RANBP2: variants seen among roughly 807,000 people sequenced by gnomAD.
RANBP2 encodes the protein RAN binding protein 2.
In RANBP2, 57 loss-of-function variants were observed where a neutral mutation model predicts 303.6. That is an observed-to-expected ratio of 0.19 (90% CI 0.15 to 0.23). The LOEUF (loss-of-function observed/expected upper bound fraction) is 0.23. Among genes scored for constraint, RANBP2 ranks in the 10% least tolerant of loss-of-function variants. The pLI is 1.00. For missense variants in RANBP2, 3,138 were observed against 3,780.8 expected, an observed-to-expected ratio of 0.83 and a Z score of 4.46; for synonymous variants, 1,167 against 1,301.5, an observed-to-expected ratio of 0.90 and a Z score of 2.23.
the RANBP2 span, among the ~76,000 whole-genome samples, chr2:109,031,441 G>T: frequency 6.6e-6 from 1 of 151,864 alleles, no homozygotes; most frequent in Non-Finnish European, 1.5e-5. Context: ...TTCCCTGGAG[G>T]CCCCCTCTTA....
At chr2:109,639,506 C>T in the RANBP2 span, among the ~76,000 whole-genome samples, 19 of 152,070 alleles carry the variant, frequency 1.2e-4, no homozygotes, top group Middle Eastern at 6.8e-3. Flanking sequence ...GTAATCCCAG[C>T]TACTCGGGAG....
chr2:108,806,785 A>C, the RANBP2 span, among the ~76,000 whole-genome samples: 4 of 152,256 alleles, frequency 2.6e-5, no homozygotes, highest in Admixed American at 6.5e-5. Context: ...AATTTATGCT[A>C]ACACTGGATA....
chr2:109,320,895 G>A, the RANBP2 span, among the ~76,000 whole-genome samples: 3 of 152,270 alleles, frequency 2.0e-5, no homozygotes, highest in East Asian at 5.8e-4. Context: ...TCATCACCTG[G>A]GTTAACCTTC....
chr2:109,447,205 C>T, the RANBP2 span, among the ~76,000 whole-genome samples: 38,382 of 148,180 alleles, frequency 0.26, 5,902 homozygotes, highest in East Asian at 0.41. Context: ...AAAAAAAAAC[C>T]CACATAAATC....
the RANBP2 span, among the ~76,000 whole-genome samples, chr2:109,309,819 A>T: frequency 8.7e-6 from 1 of 114,846 alleles, no homozygotes. Flanking sequence ...CACCCAATAC[A>T]GGAGCACCCA....
the RANBP2 span, among the ~76,000 whole-genome samples, chr2:108,962,262 G>A: frequency 1.4e-4 from 22 of 152,288 alleles, no homozygotes; most frequent in African/African-American, 5.1e-4. Context: ...ACGTTCATTC[G>A]CAGGAAAATC....
At chr2:109,050,600 T>C in the RANBP2 span, among the ~76,000 whole-genome samples, 14 of 152,128 alleles carry the variant, frequency 9.2e-5, no homozygotes, top group African/African-American at 3.4e-4. Flanking sequence ...AAATTACACA[T>C]GTGGCTCATA....
At chr2:109,298,117 G>A in the RANBP2 span, among the ~76,000 whole-genome samples, 1 of 152,200 alleles carries the variant, frequency 6.6e-6, no homozygotes, top group African/African-American at 2.4e-5. Flanking sequence ...GGGATGCAGA[G>A]GTGAATAGGG....
At chr2:109,379,504 A>G in the RANBP2 span, among the ~76,000 whole-genome samples, 1 of 152,228 alleles carries the variant, frequency 6.6e-6, no homozygotes, top group Non-Finnish European at 1.5e-5. Flanking sequence ...AAGAGTCAGG[A>G]CACCCTGATG....
the RANBP2 span, among the ~76,000 whole-genome samples, chr2:109,409,180 A>C: frequency 6.6e-6 from 1 of 152,160 alleles, no homozygotes; most frequent in South Asian, 2.1e-4. Flanking sequence ...TTCCTTGTTA[A>C]GCTTTTGATC....
the RANBP2 span, among the ~76,000 whole-genome samples, chr2:108,970,889 A>C: frequency 6.6e-6 from 1 of 152,328 alleles, no homozygotes; most frequent in South Asian, 2.1e-4. Context: ...GAACAAATAC[A>C]AGTGATAGAT....
chr2:109,186,951 C>T, the RANBP2 span, among the ~76,000 whole-genome samples: 2 of 152,302 alleles, frequency 1.3e-5, no homozygotes, highest in African/African-American at 4.8e-5. Context: ...GTGTAGAAGC[C>T]ATGATGCTGC....
intron 18 of RANBP2, among the ~76,000 whole-genome samples, chr2:108,761,583 AAC>A (rs1652946655): frequency 6.6e-6 from 1 of 152,142 alleles, no homozygotes; most frequent in Admixed American, 6.6e-5. Context: ...TAAGCCAGGG[AAC>A]ACATTTTATG....
chr2:108,736,201 T>C lies in RANBP2; in HGVS notation c.734T>C (p.Leu245Pro). ...LLLAYANLML[L>P]TLSTRDVQES... ...CTGGCCTATGCTAATCTTATGCTTC[T>C]TACGCTTTCCACTAGAGATGTGCAG... The change falls in exon 6 of 29, where the codon CTT becomes CCT. Residue 245 changes from leucine to proline, a missense_variant. Around this residue, in one of 20 missense-constraint regions of RANBP2, gnomAD observed 306 missense variants for 381.9 expected, o/e 0.80. Coordinates refer to ENST00000283195, the MANE Select transcript of RANBP2 (RefSeq NM_006267.5). 1 of 1,611,980 alleles carries C rather than the reference T, an allele frequency of 6.2e-7. No individual in the cohort carries two copies. The highest frequency in any genetic ancestry group is 8.5e-7 in the Non-Finnish European group (1 of 1,179,830).
At chr2:109,501,846 C>G in the RANBP2 span, 1 of 585,046 alleles carries the variant, frequency 1.7e-6, no homozygotes, top group Non-Finnish European at 3.0e-6. Flanking sequence ...TGCCTTCTCC[C>G]AAAACCCCCA....
chr2:109,358,842 C>T, the RANBP2 span, among the ~76,000 whole-genome samples: 1 of 152,068 alleles, frequency 6.6e-6, no homozygotes, highest in East Asian at 1.9e-4. Flanking sequence ...GGTGCTATAT[C>T]CAAAAAGTCA....
At chr2:108,925,679 G>A in the RANBP2 span, among the ~76,000 whole-genome samples, 1 of 152,088 alleles carries the variant, frequency 6.6e-6, no homozygotes, top group Non-Finnish European at 1.5e-5. Context: ...GTACAGAGAA[G>A]CAATCTTGGC....
At chr2:109,145,870 T>C in the RANBP2 span, among the ~76,000 whole-genome samples, 1 of 152,070 alleles carries the variant, frequency 6.6e-6, no homozygotes, top group African/African-American at 2.4e-5. Flanking sequence ...GCCGCAGAGC[T>C]GGGGAGGCTG....
chr2:108,745,117 C>CT (rs4012073), intron 7 of RANBP2, among the ~76,000 whole-genome samples: 156 of 142,310 alleles, frequency 1.1e-3, no homozygotes, highest in South Asian at 2.9e-3. Context: ...CTGGCTTTTA[C>CT]TTTTTTTTTT....
Sources: allele counts gnomAD v4.1 joint callset (sites outside exome capture counted in the v4.1 genomes callset), GRCh38; gene constraint gnomAD v4.1.1; regional missense constraint gnomAD v4.1.1; transcripts MANE v1.5; gene names NCBI Gene and HGNC (gene_info 2026-07-23, HGNC 2026-07-21).